The following FHIT variants were observed in gnomAD, a reference collection of about 807,000 sequenced individuals.
The protein encoded by FHIT is bis(5'-adenosyl)-triphosphatase.
A neutral mutation model predicts 17.9 loss-of-function variants in FHIT; 19 were observed. The observed-to-expected ratio is 1.06, with a 90% CI of 0.74 to 1.56. The LOEUF is 1.56. FHIT is among the 40% of genes most tolerant of loss of function. The probability of loss-of-function intolerance (pLI) is 0.00; values close to 1 mark genes in which losing one functional copy is unlikely to be tolerated. For synonymous variants in FHIT, 81 were observed against 69.7 expected, an observed-to-expected ratio of 1.16 and a Z score of -0.81; for missense variants, 248 against 189.2, an observed-to-expected ratio of 1.31 and a Z score of -1.82.
chr3:59,805,959 A>T (rs569862628), intron 8 of FHIT, among the ~76,000 whole-genome samples: 1 of 152,220 alleles, frequency 6.6e-6, no homozygotes, highest in East Asian at 1.9e-4. Context: ...AGGCGGGCAG[A>T]TCACGAGGTC....
At chr3:60,022,549 C>G (rs1024253980) in intron 5 of FHIT, among the ~76,000 whole-genome samples, 3 of 152,298 alleles carry the variant, frequency 2.0e-5, no homozygotes, top group Non-Finnish European at 2.9e-5. Flanking sequence ...GGCAGTGAGA[C>G]CCCGAATTAT....
At position 60,123,993 on chromosome 3, in the gene FHIT, TATATATATATATATATAGAGAGAGAG is replaced by T. The variant is rs1291327838; in HGVS notation, c.104-109867_104-109842del. On this transcript the variant is annotated intron_variant, in intron 5 of 9. Coordinates refer to ENST00000492590, the MANE Select transcript of FHIT (RefSeq NM_002012.4). ...ATATATATATATATATATATATATA[TATATATATATATATATAGAGAGAGAG>T]AGAGAGAGAGAGAGAGAGAGAGAGA... is the stretch of plus-strand genomic sequence containing the variant. 8.3e-4 allele frequency among the ~76,000 whole-genome samples: 34 copies of T among 40,762 alleles called. No homozygotes were observed. The South Asian group carries it at 8.6e-3, about 10-fold the overall frequency. 26.7% of individuals were successfully genotyped at this position (40,762 alleles called of 152,430 possible). A position where few individuals can be genotyped will look rare whatever the true frequency, so the allele number is the denominator to read the frequency against.
intron 5 of FHIT, among the ~76,000 whole-genome samples, chr3:60,084,577 T>C (rs971952932): frequency 6.6e-6 from 1 of 152,184 alleles, no homozygotes; most frequent in Non-Finnish European, 1.5e-5. Context: ...TATTAATATA[T>C]TTATTGGGTA....
intron 5 of FHIT, among the ~76,000 whole-genome samples, chr3:60,408,541 G>A (rs1701955956): frequency 6.6e-6 from 1 of 152,074 alleles, no homozygotes; most frequent in Non-Finnish European, 1.5e-5. Flanking sequence ...GGAAAAAGAA[G>A]AAAGGAAAAA....
chr3:60,205,306 A>G (rs1373634175), intron 5 of FHIT, among the ~76,000 whole-genome samples: 2 of 152,202 alleles, frequency 1.3e-5, no homozygotes, highest in African/African-American at 4.8e-5. Context: ...TTGTAAAACA[A>G]TGACTGAAAA....
At chr3:60,463,129 C>A (rs2032577036) in intron 5 of FHIT, among the ~76,000 whole-genome samples, 1 of 152,174 alleles carries the variant, frequency 6.6e-6, no homozygotes, top group Admixed American at 6.5e-5. Context: ...ATCTTTTCTT[C>A]ATTTGTAGGT....
chr3:60,831,029 A>T (rs1702309541), intron 3 of FHIT, among the ~76,000 whole-genome samples: 1 of 152,200 alleles, frequency 6.6e-6, no homozygotes, highest in Non-Finnish European at 1.5e-5. Context: ...AATCTTTAAG[A>T]TTAAATTATT....
intron 5 of FHIT, among the ~76,000 whole-genome samples, chr3:60,034,850 A>G (rs1039193228): frequency 1.3e-5 from 2 of 152,226 alleles, no homozygotes; most frequent in African/African-American, 4.8e-5. Flanking sequence ...GAACTTCAGA[A>G]ATAAGATTTC....
chr3:59,888,513 T>A (rs1209667095), intron 8 of FHIT, among the ~76,000 whole-genome samples: 2 of 152,200 alleles, frequency 1.3e-5, no homozygotes, highest in Non-Finnish European at 2.9e-5. Context: ...ATAAGGACCA[T>A]ATATTATTCA....
intron 5 of FHIT, among the ~76,000 whole-genome samples, chr3:60,118,632 A>G (rs1705092121): frequency 6.6e-6 from 1 of 152,102 alleles, no homozygotes. Flanking sequence ...ATTAACAAAA[A>G]TAAGAAACGA....
intron 3 of FHIT, among the ~76,000 whole-genome samples, chr3:60,865,126 T>C (rs1704099160): frequency 6.6e-6 from 1 of 151,962 alleles, no homozygotes; most frequent in Non-Finnish European, 1.5e-5. Context: ...CCAAAATAAA[T>C]AAATAAGGTA....
intron 5 of FHIT, among the ~76,000 whole-genome samples, chr3:60,490,059 G>A (rs2033999025): frequency 6.6e-6 from 1 of 152,042 alleles, no homozygotes; most frequent in Non-Finnish European, 1.5e-5. Flanking sequence ...CAGGGACATG[G>A]CAAAGTGCTG....
At chr3:60,635,388 C>A (rs533685231) in intron 4 of FHIT, among the ~76,000 whole-genome samples, 1 of 152,310 alleles carries the variant, frequency 6.6e-6, no homozygotes, top group East Asian at 1.9e-4. Flanking sequence ...TCTGGCCTCC[C>A]TTTACTGAAC....
At chr3:60,128,970 T>C (rs965913404) in intron 5 of FHIT, among the ~76,000 whole-genome samples, 9 of 152,096 alleles carry the variant, frequency 5.9e-5, no homozygotes, top group African/African-American at 1.4e-4. Flanking sequence ...CTATTTCCAA[T>C]TTAGATAATT....
chr3:60,643,246 C>T (rs1017486785), intron 4 of FHIT, among the ~76,000 whole-genome samples: 1 of 151,914 alleles, frequency 6.6e-6, no homozygotes, highest in Non-Finnish European at 1.5e-5. Flanking sequence ...TTTCCCCCAC[C>T]CCCCACAGCA....
chr3:61,236,201 GTATAT>G (rs758657701), intron 1 of FHIT, among the ~76,000 whole-genome samples: 65 of 146,996 alleles, frequency 4.4e-4, no homozygotes, highest in African/African-American at 1.1e-3. Context: ...ATAATATATA[GTATAT>G]TATATTATAT....
In FHIT at chr3:60,821,937, C is replaced by G. The variant is rs1399686893; in HGVS notation, c.-36G>C. The stretch of plus-strand genomic sequence containing the variant: ...AACCTACCTTTCAGAAGACTGCTAC[C>G]TCTTCGGAGTCCTCAGTGGCAGGAT... On this transcript the variant is annotated 5_prime_UTR_variant, in exon 4 of 10. Transcript: ENST00000492590. 6.6e-6 allele frequency: 1 copy of G among 152,084 alleles called. No individual in the cohort carries two copies. The highest frequency in any genetic ancestry group is 1.5e-5 in the Non-Finnish European group (1 of 68,006). The allele number at this position is 152,084 out of a possible 1,614,324, so 9.4% of individuals were successfully genotyped here.
At chr3:60,477,921 G>C (rs2033426646) in intron 5 of FHIT, among the ~76,000 whole-genome samples, 2 of 152,158 alleles carry the variant, frequency 1.3e-5, no homozygotes, top group Admixed American at 1.3e-4. Context: ...TCTTGGTCTA[G>C]TTTGAGTTCT....
chr3:60,291,211 A>G (rs901561621), intron 5 of FHIT, among the ~76,000 whole-genome samples: 13 of 152,102 alleles, frequency 8.5e-5, no homozygotes, highest in Admixed American at 6.6e-5. Context: ...GCCGGTCCAC[A>G]GGGAAATACA....
Sources: allele counts gnomAD v4.1 joint callset (sites outside exome capture counted in the v4.1 genomes callset), GRCh38; gene constraint gnomAD v4.1.1; transcripts MANE v1.5; gene names NCBI Gene and HGNC (gene_info 2026-07-23, HGNC 2026-07-21).